TMEM38B: variants seen among roughly 807,000 people sequenced by gnomAD.
TMEM38B encodes trimeric intracellular cation channel type B.
A neutral mutation model predicts 28.7 loss-of-function variants in TMEM38B; 24 were observed. That is an observed-to-expected ratio of 0.84 (90% CI 0.61 to 1.18). The LOEUF (loss-of-function observed/expected upper bound fraction) is 1.18. Ranked by LOEUF, TMEM38B falls within the 50% of genes most tolerant of loss-of-function variation. TMEM38B has a pLI of 0.00. For synonymous variants in TMEM38B, 131 were observed against 127.7 expected (o/e 1.03, Z -0.17); for missense variants, 380 against 350.9 (o/e 1.08, Z -0.66).
At chr9:105,712,330 T>C (rs568763009) in intron 2 of TMEM38B, among the ~76,000 whole-genome samples, 2 of 152,362 alleles carry the variant, frequency 1.3e-5, no homozygotes, top group South Asian at 2.1e-4. Context: ...TTAGATACTA[T>C]AGTTTAGTCA....
At chr9:105,718,728 G>A (rs1440790655) in intron 2 of TMEM38B, among the ~76,000 whole-genome samples, 3 of 152,102 alleles carry the variant, frequency 2.0e-5, no homozygotes. Flanking sequence ...GTTTTGAAAA[G>A]CTGTTCCCGG....
At chr9:105,729,714 C>T (rs1297642856) in intron 4 of TMEM38B, among the ~76,000 whole-genome samples, 1 of 152,160 alleles carries the variant, frequency 6.6e-6, no homozygotes, top group Non-Finnish European at 1.5e-5. Context: ...TACCCATGAG[C>T]AAGGAATGTT....
At chr9:105,759,591 T>G in intron 5 of TMEM38B, 1 of 1,560,364 alleles carries the variant, frequency 6.4e-7, no homozygotes, top group Admixed American at 1.7e-5. Flanking sequence ...TGGAAGGAAT[T>G]GTAGATGTGT....
At chr9:105,737,528 G>A (rs1287584819) in intron 4 of TMEM38B, among the ~76,000 whole-genome samples, 1 of 152,166 alleles carries the variant, frequency 6.6e-6, no homozygotes, top group Non-Finnish European at 1.5e-5. Context: ...GCCCTGGAGG[G>A]CAAGCAGTAG....
intron 4 of TMEM38B, among the ~76,000 whole-genome samples, chr9:105,733,937 A>G (rs936169317): frequency 2.7e-5 from 4 of 150,830 alleles, no homozygotes; most frequent in Non-Finnish European, 4.4e-5. Context: ...TTTTTCCCCT[A>G]TGTTTTTTCT....
intron 4 of TMEM38B, among the ~76,000 whole-genome samples, chr9:105,729,812 G>T (rs1414103766): frequency 6.6e-6 from 1 of 152,042 alleles, no homozygotes; most frequent in African/African-American, 2.4e-5. Flanking sequence ...TTGTAAGTTG[G>T]ATTCCTAGGT....
chr9:105,705,767 A>G lies in TMEM38B; in HGVS notation c.269+14A>G, dbSNP rs373332055. 1.2e-4 allele frequency: 194 copies of G among 1,606,686 alleles called. 1 individual carries two copies. Among genetic ancestry groups the G allele is most frequent in the Admixed American group, 2.5e-4 (15 of 58,908 alleles). On this transcript the variant is annotated intron_variant, in intron 2 of 5. Coordinates refer to ENST00000374692, the MANE Select transcript of TMEM38B (RefSeq NM_018112.3). ...ATCTTCAATCTGGTAAGCTGCCAGT[A>G]TGGTGACCTATGTGACATTTAAACA...
chr9:105,707,705 G>A (rs1268029059), intron 2 of TMEM38B, among the ~76,000 whole-genome samples: 2 of 152,160 alleles, frequency 1.3e-5, no homozygotes, highest in Non-Finnish European at 2.9e-5. Flanking sequence ...TTTGACAAAT[G>A]ATAAAATTGA....
chr9:105,750,992 T>C (rs1837628705), intron 5 of TMEM38B, among the ~76,000 whole-genome samples: 1 of 152,226 alleles, frequency 6.6e-6, no homozygotes, highest in Non-Finnish European at 1.5e-5. Flanking sequence ...ATTCCATCCA[T>C]ATGTGTGCCT....
intron 4 of TMEM38B, among the ~76,000 whole-genome samples, chr9:105,723,349 G>A (rs1273409859): frequency 1.3e-5 from 2 of 151,762 alleles, no homozygotes; most frequent in Non-Finnish European, 2.9e-5. Context: ...AGCCTCCCAA[G>A]TATTAATAGT....
At chr9:105,758,202 C>A in intron 5 of TMEM38B, 1 of 656,632 alleles carries the variant, frequency 1.5e-6, no homozygotes. Flanking sequence ...CTTATCTGGC[C>A]ACCAAACTGG....
At chr9:105,747,566 C>T (rs897341214) in intron 4 of TMEM38B, among the ~76,000 whole-genome samples, 2 of 152,088 alleles carry the variant, frequency 1.3e-5, no homozygotes, top group Non-Finnish European at 1.5e-5. Flanking sequence ...TTTTTTGTGT[C>T]TCTATCTCCT....
At chr9:105,745,461 G>A (rs889492178) in intron 4 of TMEM38B, among the ~76,000 whole-genome samples, 28 of 152,080 alleles carry the variant, frequency 1.8e-4, no homozygotes, top group Middle Eastern at 6.8e-3. Flanking sequence ...AAATTTGTTT[G>A]AGTTCTTTGT....
intron 4 of TMEM38B, among the ~76,000 whole-genome samples, chr9:105,730,988 CTAT>C (rs1836719847): frequency 6.6e-6 from 1 of 152,020 alleles, no homozygotes; most frequent in Admixed American, 6.6e-5. Context: ...AGCCATCTAT[CTAT>C]TTTGTTATCT....
At chr9:105,707,922 T>A (rs1388288955) in intron 2 of TMEM38B, among the ~76,000 whole-genome samples, 1 of 152,220 alleles carries the variant, frequency 6.6e-6, no homozygotes, top group East Asian at 1.9e-4. Flanking sequence ...ACAATATTTT[T>A]AAAAGTTATT....
At chr9:105,718,389 C>A (rs1836190877) in intron 2 of TMEM38B, among the ~76,000 whole-genome samples, 1 of 152,056 alleles carries the variant, frequency 6.6e-6, no homozygotes, top group Non-Finnish European at 1.5e-5. Context: ...TAGGCGCCCG[C>A]CACCATGCTG....
At chr9:105,759,353 T>C (rs1837952143) in intron 5 of TMEM38B, 10 of 1,207,794 alleles carry the variant, frequency 8.3e-6, no homozygotes, top group Admixed American at 5.7e-5. Flanking sequence ...TGGAGTGCCT[T>C]CTTCTCAGTC....
chr9:105,718,097 A>G (rs962946725), intron 2 of TMEM38B, among the ~76,000 whole-genome samples: 4 of 152,136 alleles, frequency 2.6e-5, no homozygotes, highest in African/African-American at 9.7e-5. Flanking sequence ...ATTGGTTTGT[A>G]CTCTGGAAAC....
intron 4 of TMEM38B, among the ~76,000 whole-genome samples, chr9:105,727,882 A>G (rs560195609): frequency 2.4e-4 from 37 of 152,106 alleles, no homozygotes; most frequent in Non-Finnish European, 5.4e-4. Flanking sequence ...TGGTTGTTTG[A>G]AAGTCTGGTT....
Sources: gnomAD v4.1 joint callset for allele counts (sites outside exome capture counted in the v4.1 genomes callset) on GRCh38, gnomAD v4.1.1 for gene constraint, MANE v1.5 for transcripts, NCBI Gene and HGNC (gene_info 2026-07-23, HGNC 2026-07-21) for gene names.